PLEKHG1: variants seen among roughly 807,000 people sequenced by gnomAD.
The protein encoded by PLEKHG1 is pleckstrin homology and RhoGEF domain containing G1.
A neutral mutation model predicts 100.8 loss-of-function variants in PLEKHG1; 44 were observed. The observed-to-expected ratio is 0.44, with a 90% CI of 0.34 to 0.56. The LOEUF (loss-of-function observed/expected upper bound fraction) is 0.56, where lower values mean the gene tolerates loss of function less well. PLEKHG1 is among the 20% of genes least tolerant of loss of function. The probability of loss-of-function intolerance (pLI) is 0.01; values close to 1 mark genes in which losing one functional copy is unlikely to be tolerated. For missense variants in PLEKHG1, 1,545 were observed against 1,720.9 expected (o/e 0.90, Z 1.81); for synonymous variants, 640 against 662.5 (o/e 0.97, Z 0.52).
rs755273211 is a variant in PLEKHG1, at chr6:150,840,516, C to A, written c.3778C>A (p.Gln1260Lys). ...CAATAGAAATTTACCCTTAAATGCC[C>A]AAATTGCAACACAGAATTATTTTTC... Residue 1260 changes from glutamine to lysine, a missense_variant, in exon 16 of 16, where the codon CAA (glutamine) becomes AAA (lysine). Transcript: ENST00000358517. 9 of 1,614,012 alleles carry A rather than the reference C, an allele frequency of 5.6e-6. No homozygotes were observed. The South Asian group carries it at 9.9e-5, about 18-fold the overall frequency.
At chr6:150,656,830 G>C (rs943618254) in intron 3 of PLEKHG1, among the ~76,000 whole-genome samples, 1 of 152,170 alleles carries the variant, frequency 6.6e-6, no homozygotes, top group Admixed American at 6.5e-5. Context: ...TTCTGCCCCT[G>C]TTGGAGGAGC....
intron 2 of PLEKHG1, among the ~76,000 whole-genome samples, chr6:150,647,742 GTATAA>G (rs1778562253): frequency 6.6e-6 from 1 of 152,046 alleles, no homozygotes; most frequent in Non-Finnish European, 1.5e-5. Context: ...TATGTCCTGA[GTATAA>G]TATATTAGTG....
At chr6:150,665,500 C>A (rs1171603104) in intron 3 of PLEKHG1, among the ~76,000 whole-genome samples, 2 of 151,920 alleles carry the variant, frequency 1.3e-5, no homozygotes, top group East Asian at 3.9e-4. Flanking sequence ...CATGGTGGCA[C>A]GTGCCTGTAG....
At chr6:150,618,987 A>G (rs1777183265) in intron 1 of PLEKHG1, among the ~76,000 whole-genome samples, 1 of 152,134 alleles carries the variant, frequency 6.6e-6, no homozygotes, top group African/African-American at 2.4e-5. Flanking sequence ...AGAGGCTGAG[A>G]CTGGAGGATT....
At chr6:150,792,091 T>A (rs1436458258) in intron 4 of PLEKHG1, among the ~76,000 whole-genome samples, 1 of 152,190 alleles carries the variant, frequency 6.6e-6, no homozygotes, top group Non-Finnish European at 1.5e-5. Flanking sequence ...GTCCTGTATC[T>A]GAATTATTAA....
chr6:150,821,151 T>G lies in PLEKHG1; in HGVS notation c.1409-44T>G, dbSNP rs1258845785. 3.9e-6 allele frequency: 6 copies of G among 1,549,318 alleles called. No homozygotes were observed. In the African/African-American group the frequency reaches 6.8e-5, roughly 18 times the overall value. ...CTTATAAAGAATAAAGAAAAAGGTTTGATTTGGTTTTGCCAATGATGCTGG... is the reference window on the plus strand; with the variant it reads ...CTTATAAAGAATAAAGAAAAAGGTTGGATTTGGTTTTGCCAATGATGCTGG... On this transcript the variant is annotated intron_variant, in intron 12 of 15. Transcript: ENST00000358517.
At chr6:150,792,139 T>A (rs1162902200) in intron 4 of PLEKHG1, among the ~76,000 whole-genome samples, 2 of 152,052 alleles carry the variant, frequency 1.3e-5, no homozygotes, top group Non-Finnish European at 2.9e-5. Flanking sequence ...TATTTTATCC[T>A]TTAAAAAAAA....
chr6:150,629,667 G>C (rs1777661927), intron 1 of PLEKHG1, among the ~76,000 whole-genome samples: 1 of 152,232 alleles, frequency 6.6e-6, no homozygotes, highest in East Asian at 1.9e-4. Flanking sequence ...CACCATATTG[G>C]CCAGGATGGT....
At chr6:150,819,113 C>T (rs1233175326) in intron 11 of PLEKHG1, among the ~76,000 whole-genome samples, 1 of 147,518 alleles carries the variant, frequency 6.8e-6, no homozygotes, top group Non-Finnish European at 1.5e-5. Flanking sequence ...AAATTGCCTT[C>T]GGATTTTTTT....
intron 3 of PLEKHG1, 150 bp from the exon 5 acceptor site, chr6:150,786,240 G>A (rs1263773313): frequency 1.6e-6 from 1 of 628,978 alleles, no homozygotes; most frequent in Non-Finnish European, 2.8e-6. Flanking sequence ...CCTTACCTAA[G>A]CCTTGGATAC....
In PLEKHG1 at chr6:150,832,202, A is replaced by G. The variant is rs150224269; in HGVS notation, c.3091A>G (p.Ile1031Val). The G allele has an allele frequency of 3.8e-5, 60 of 1,586,894 alleles. No individual in the cohort carries two copies. Among genetic ancestry groups the G allele is most frequent in the Non-Finnish European group, 4.7e-5 (55 of 1,170,132 alleles). The change falls in exon 15 of 16, where the codon ATT becomes GTT. Residue 1031 changes from isoleucine (I) to valine (V), a missense_variant. Coordinates refer to ENST00000358517, the Ensembl canonical transcript of PLEKHG1. ...AGAGAAGAAGCAAGGAGGGCCCGCC[A>G]TTGGTATGTGCACCCTGCCCTTCTT...
At chr6:150,671,092 T>C (rs1188708592) in intron 3 of PLEKHG1, among the ~76,000 whole-genome samples, 1 of 148,262 alleles carries the variant, frequency 6.7e-6, no homozygotes, top group Admixed American at 6.7e-5. Context: ...TTCCATCATA[T>C]ATATATATAT....
intron 3 of PLEKHG1, chr6:150,652,154 G>A (rs577423519): frequency 1.3e-5 from 2 of 152,276 alleles, no homozygotes; most frequent in African/African-American, 4.8e-5. Context: ...ACTTGGTGGT[G>A]TTGGTTCTTG....
At position 150,713,902 on chromosome 6, in the gene PLEKHG1, C is replaced by T. The variant is rs1050538960; in HGVS notation, c.-98-19682C>T. Among the ~76,000 whole-genome samples the T allele has an allele frequency of 5.3e-5, 8 of 152,218 alleles. No homozygotes were observed. In the East Asian group the frequency reaches 5.8e-4, roughly 11 times the overall value. On this transcript the variant is annotated intron_variant, in intron 3 of 3. Coordinates refer to the PLEKHG1 transcript ENST00000367326. Reference sequence around the variant, plus strand: ...GATGAGAAATTCCTTTGCAAGCCTCCGTAAAGGTGATTTAAGTCTCAATGG... The same window carrying T: ...GATGAGAAATTCCTTTGCAAGCCTCTGTAAAGGTGATTTAAGTCTCAATGG...
intron 1 of PLEKHG1, among the ~76,000 whole-genome samples, chr6:150,635,089 G>A (rs62434105): frequency 0.037 from 5,583 of 152,276 alleles, 155 homozygotes; most frequent in Non-Finnish European, 0.059. Context: ...ATGAGGGACA[G>A]ATATGGTTCC....
intron 3 of PLEKHG1, among the ~76,000 whole-genome samples, chr6:150,771,448 C>T (rs535035760): frequency 4.6e-5 from 7 of 151,984 alleles, no homozygotes; most frequent in African/African-American, 7.3e-5. Flanking sequence ...AATGAACGAA[C>T]GAACGAGTTG....
chr6:150,624,286 AC>A (rs1777422063), intron 1 of PLEKHG1, among the ~76,000 whole-genome samples: 1 of 151,964 alleles, frequency 6.6e-6, no homozygotes, highest in East Asian at 1.9e-4. Flanking sequence ...AGGGGCCCTC[AC>A]ACCCTGCCTA....
chr6:150,824,782 A>G (rs1003897510), intron 14 of PLEKHG1, among the ~76,000 whole-genome samples: 1 of 152,180 alleles, frequency 6.6e-6, no homozygotes, highest in Admixed American at 6.6e-5. Flanking sequence ...CACCCGTCTC[A>G]GCCTCCCAAA....
chr6:150,706,751 C>T (rs780544603), intron 3 of PLEKHG1, among the ~76,000 whole-genome samples: 14 of 151,732 alleles, frequency 9.2e-5, no homozygotes, highest in Admixed American at 3.3e-4. Flanking sequence ...TTTATTTAAA[C>T]GGAGGTTTTC....
Sources: gnomAD v4.1 joint callset for allele counts (sites outside exome capture counted in the v4.1 genomes callset) on GRCh38, gnomAD v4.1.1 for gene constraint, MANE v1.5 for transcripts, NCBI Gene and HGNC (gene_info 2026-07-23, HGNC 2026-07-21) for gene names.